ACOXL: variants seen among roughly 807,000 people sequenced by gnomAD.
ACOXL encodes acyl-CoA oxidase like.
Under a neutral mutation model 71.9 loss-of-function variants are expected in ACOXL, and 70 were observed. The observed-to-expected ratio is 0.97, with a 90% CI of 0.80 to 1.19. The LOEUF is 1.19. ACOXL is among the 50% of genes most tolerant of loss of function. The pLI is 0.00. For missense variants in ACOXL, 703 were observed against 736.3 expected (o/e 0.95, Z 0.52); for synonymous variants, 253 against 281.6 (o/e 0.90, Z 1.02).
At position 110,893,726 on chromosome 2, in the gene ACOXL, T is replaced by A. The variant is rs181550378; in HGVS notation, c.789-15063T>A. 1.3e-4 allele frequency among the ~76,000 whole-genome samples: 20 copies of A among 152,314 alleles called. No homozygotes were observed. The East Asian group carries it at 3.7e-3, about 28-fold the overall frequency. On this transcript the variant is annotated intron_variant, in intron 10 of 17. Transcript: ENST00000439055. ...GCAGGATATATACCTCTTCATGATA[T>A]AGCCCTAATTGAATATGTTAATATA...
At chr2:110,738,595 T>C (rs1677151951) in intron 1 of ACOXL, among the ~76,000 whole-genome samples, 1 of 152,208 alleles carries the variant, frequency 6.6e-6, no homozygotes, top group African/African-American at 2.4e-5. Context: ...TGATCTGTTA[T>C]ATATGACTTG....
At chr2:110,909,045 T>C (rs2059559883) in intron 11 of ACOXL, 140 bp downstream of exon 11, 1 of 617,748 alleles carries the variant, frequency 1.6e-6, no homozygotes, top group Non-Finnish European at 2.7e-6. Flanking sequence ...GATGCCCAGG[T>C]TAAAAGCATC....
At chr2:110,755,983 CCTTGTAGGG>C (rs1295629629) in intron 1 of ACOXL, among the ~76,000 whole-genome samples, 1 of 151,974 alleles carries the variant, frequency 6.6e-6, no homozygotes, top group Non-Finnish European at 1.5e-5. Context: ...TATTCTCATC[CCTTGTAGGG>C]CATTTTGGGA....
At chr2:110,849,184 A>T (rs1692292105) in intron 10 of ACOXL, among the ~76,000 whole-genome samples, 1 of 152,216 alleles carries the variant, frequency 6.6e-6, no homozygotes, top group Non-Finnish European at 1.5e-5. Flanking sequence ...CTCAGGCAAC[A>T]GGTGGGAAAG....
chr2:110,971,523 C>G (rs2062186042), intron 12 of ACOXL, among the ~76,000 whole-genome samples: 1 of 152,136 alleles, frequency 6.6e-6, no homozygotes. Context: ...AAACAAAAAC[C>G]TATGCATGAA....
At chr2:111,002,588 TA>T (rs1475515198) in intron 14 of ACOXL, among the ~76,000 whole-genome samples, 1 of 152,228 alleles carries the variant, frequency 6.6e-6, no homozygotes, top group East Asian at 1.9e-4. Flanking sequence ...AATTGTTCTT[TA>T]TAAATGTTGA....
At chr2:110,756,912 A>G (rs1422639701) in intron 1 of ACOXL, among the ~76,000 whole-genome samples, 1 of 151,976 alleles carries the variant, frequency 6.6e-6, no homozygotes, top group African/African-American at 2.4e-5. Flanking sequence ...CTTTTTTTAA[A>G]TTCAGGGGTA....
intron 10 of ACOXL, among the ~76,000 whole-genome samples, chr2:110,871,485 C>T (rs1695268511): frequency 6.6e-6 from 1 of 151,960 alleles, no homozygotes; most frequent in Admixed American, 6.6e-5. Flanking sequence ...GTATTAATGC[C>T]ATTCGTCTCG....
At chr2:110,751,172 G>A (rs1390870159) in intron 1 of ACOXL, among the ~76,000 whole-genome samples, 1 of 151,866 alleles carries the variant, frequency 6.6e-6, no homozygotes, top group East Asian at 2.0e-4. Flanking sequence ...ATTGTAGCGG[G>A]TGCCTGTAGT....
intron 12 of ACOXL, among the ~76,000 whole-genome samples, chr2:110,962,890 A>G (rs1323691527): frequency 6.6e-6 from 1 of 152,182 alleles, no homozygotes; most frequent in Non-Finnish European, 1.5e-5. Flanking sequence ...TGGATATTTC[A>G]TGGGGAAAAC....
At chr2:110,808,945 A>C (rs1031575996) in intron 9 of ACOXL, among the ~76,000 whole-genome samples, 2 of 152,174 alleles carry the variant, frequency 1.3e-5, no homozygotes, top group Non-Finnish European at 2.9e-5. Context: ...AGGGCTGGGC[A>C]CATAGCAGAC....
chr2:111,052,271 A>G (rs1272916130), intron 16 of ACOXL, among the ~76,000 whole-genome samples: 1 of 152,194 alleles, frequency 6.6e-6, no homozygotes, highest in Non-Finnish European at 1.5e-5. Context: ...GAGCAAATTC[A>G]TAGAAAATTC....
intron 14 of ACOXL, among the ~76,000 whole-genome samples, chr2:111,006,425 C>CA (rs2063876695): frequency 6.6e-6 from 1 of 152,210 alleles, no homozygotes; most frequent in South Asian, 2.1e-4. Flanking sequence ...TAGGAGTGTA[C>CA]AAGCGGGAAC....
rs1056057087 is a variant in ACOXL, at chr2:111,027,609, C to T, written c.1282-4018C>T. Among the ~76,000 whole-genome samples, 7 of 152,132 alleles carry T rather than the reference C, an allele frequency of 4.6e-5. No homozygotes were observed. The East Asian group carries it at 5.8e-4, about 13-fold the overall frequency. ...TGCTGGGATTACAGGCGTGAGCCAC[C>T]GCACTTGGCCCCTTGTTTTTTTTAT... On this transcript the variant is annotated intron_variant, in intron 14 of 17. Coordinates refer to ENST00000439055, the MANE Select transcript of ACOXL (RefSeq NM_001142807.4).
At chr2:110,952,517 A>G (rs918471555) in intron 12 of ACOXL, among the ~76,000 whole-genome samples, 1 of 152,132 alleles carries the variant, frequency 6.6e-6, no homozygotes, top group Non-Finnish European at 1.5e-5. Flanking sequence ...GCTAGAGTGC[A>G]GTAGCGTGAT....
At chr2:110,803,922 G>A (rs189263336) in intron 8 of ACOXL, among the ~76,000 whole-genome samples, 26 of 151,240 alleles carry the variant, frequency 1.7e-4, no homozygotes, top group East Asian at 7.8e-4. Context: ...GCTCAATGTC[G>A]TTGCCATTAG....
intron 3 of ACOXL, among the ~76,000 whole-genome samples, chr2:110,788,702 C>CTAATA (rs2105214710): frequency 6.6e-6 from 1 of 152,338 alleles, no homozygotes; most frequent in African/African-American, 2.4e-5. Flanking sequence ...TGCTGTCCCA[C>CTAATA]ACATCAGTAA....
chr2:111,033,541 C>T (rs1382656661), intron 15 of ACOXL, among the ~76,000 whole-genome samples: 1 of 152,184 alleles, frequency 6.6e-6, no homozygotes, highest in Non-Finnish European at 1.5e-5. Context: ...TCCCCTGTGA[C>T]CTGCTCCAGA....
intron 12 of ACOXL, among the ~76,000 whole-genome samples, chr2:110,975,036 C>G (rs557852623): frequency 6.6e-6 from 1 of 152,116 alleles, no homozygotes; most frequent in African/African-American, 2.4e-5. Context: ...TGGGGCAGGC[C>G]GGCTGATGTG....
Sources: allele counts gnomAD v4.1 joint callset (sites outside exome capture counted in the v4.1 genomes callset), GRCh38; gene constraint gnomAD v4.1.1; transcripts MANE v1.5; gene names NCBI Gene and HGNC (gene_info 2026-07-23, HGNC 2026-07-21).